The following ACTR3C variants were observed in gnomAD, a reference collection of about 807,000 sequenced individuals.
ACTR3C encodes the protein actin-related protein 3C.
ACTR3C carries 18 observed loss-of-function variants against 26.3 expected under a neutral mutation model. The ratio of observed to expected loss-of-function variants is 0.68; its 90% CI spans 0.47 to 1.01. The LOEUF is 1.01. Among genes scored for constraint, ACTR3C ranks in the 50% least tolerant of loss-of-function variants. The probability of loss-of-function intolerance (pLI) is 0.00; values close to 1 mark genes in which losing one functional copy is unlikely to be tolerated. For synonymous variants in ACTR3C, 55 were observed against 94.5 expected, an observed-to-expected ratio of 0.58 and a Z score of 2.42; for missense variants, 184 against 250.7, an observed-to-expected ratio of 0.73 and a Z score of 1.80.
the ACTR3C span, among the ~76,000 whole-genome samples, chr7:150,163,376 A>ATG: frequency 2.3e-5 from 3 of 130,096 alleles, no homozygotes; most frequent in Non-Finnish European, 4.7e-5. Context: ...ATATATATAT[A>ATG]TGTGTGTATG....
the ACTR3C span, among the ~76,000 whole-genome samples, chr7:150,021,170 A>T: frequency 4.0e-5 from 6 of 151,696 alleles, no homozygotes; most frequent in Admixed American, 1.3e-4. Flanking sequence ...CTTTACACAT[A>T]GGAAGAAGCT....
the ACTR3C span, among the ~76,000 whole-genome samples, chr7:149,889,554 G>C: frequency 6.6e-6 from 1 of 152,094 alleles, no homozygotes; most frequent in South Asian, 2.1e-4. Context: ...TTAGTAATCA[G>C]GGAAATGTAC....
the ACTR3C span, among the ~76,000 whole-genome samples, chr7:150,227,326 CT>C: frequency 6.6e-6 from 1 of 151,248 alleles, no homozygotes; most frequent in Non-Finnish European, 1.5e-5. Flanking sequence ...CAGTAACTAC[CT>C]TTTTTCATTC....
chr7:150,136,015 C>G, the ACTR3C span, among the ~76,000 whole-genome samples: 2 of 152,116 alleles, frequency 1.3e-5, no homozygotes, highest in East Asian at 3.9e-4. Context: ...GAAGAAATCA[C>G]CACAGGATGT....
chr7:150,172,140 G>T, the ACTR3C span, among the ~76,000 whole-genome samples: 2 of 150,726 alleles, frequency 1.3e-5, no homozygotes, highest in East Asian at 3.8e-4. Flanking sequence ...GGTAATAAGA[G>T]ACTATTAAGA....
At chr7:150,175,835 A>C in the ACTR3C span, among the ~76,000 whole-genome samples, 1 of 139,418 alleles carries the variant, frequency 7.2e-6, no homozygotes, top group Non-Finnish European at 1.5e-5. Flanking sequence ...AAAAAAAAAA[A>C]GAAAGAAAGG....
chr7:149,942,511 G>T, the ACTR3C span, among the ~76,000 whole-genome samples: 12 of 152,024 alleles, frequency 7.9e-5, no homozygotes, highest in Admixed American at 2.0e-4. Context: ...GAGTGGATGG[G>T]TTTCATCAAG....
the ACTR3C span, among the ~76,000 whole-genome samples, chr7:150,238,796 C>G: frequency 6.7e-6 from 1 of 148,852 alleles, no homozygotes; most frequent in Non-Finnish European, 1.5e-5. Context: ...TTTTCTTTGA[C>G]TAATAAAATC....
chr7:150,179,745 C>A, the ACTR3C span, among the ~76,000 whole-genome samples: 1 of 151,748 alleles, frequency 6.6e-6, no homozygotes. Flanking sequence ...CCCTGCTTGG[C>A]CTACCAAAGT....
the ACTR3C span, among the ~76,000 whole-genome samples, chr7:150,163,158 A>C: frequency 6.6e-6 from 1 of 151,638 alleles, no homozygotes; most frequent in Non-Finnish European, 1.5e-5. Context: ...AGTCTCAAAA[A>C]AAAGAAAAAA....
the ACTR3C span, among the ~76,000 whole-genome samples, chr7:150,066,284 C>A: frequency 6.6e-6 from 1 of 152,176 alleles, no homozygotes; most frequent in African/African-American, 2.4e-5. Context: ...TGGGAAGGAT[C>A]CACAGCGATG....
the ACTR3C span, among the ~76,000 whole-genome samples, chr7:150,182,159 A>G: frequency 6.6e-5 from 10 of 150,490 alleles, no homozygotes; most frequent in Non-Finnish European, 1.0e-4. Flanking sequence ...CATCACCAAC[A>G]GATCAAAAAC....
At chr7:150,237,464 T>C in the ACTR3C span, among the ~76,000 whole-genome samples, 1 of 151,924 alleles carries the variant, frequency 6.6e-6, no homozygotes, top group Non-Finnish European at 1.5e-5. Context: ...ATAGGATAAC[T>C]TTGAGGCACA....
At chr7:149,944,685 C>T in the ACTR3C span, among the ~76,000 whole-genome samples, 2 of 151,912 alleles carry the variant, frequency 1.3e-5, no homozygotes, top group African/African-American at 4.8e-5. Flanking sequence ...CCTCCTTCAC[C>T]TGCTCTCTTC....
At chr7:150,294,659 C>G (rs1399628691) in intron 2 of ACTR3C, among the ~76,000 whole-genome samples, 3 of 152,128 alleles carry the variant, frequency 2.0e-5, no homozygotes, top group African/African-American at 7.2e-5. Flanking sequence ...GGAACTTTTC[C>G]TCCTCCTCCT....
At chr7:150,105,367 C>G in the ACTR3C span, among the ~76,000 whole-genome samples, 1 of 151,958 alleles carries the variant, frequency 6.6e-6, no homozygotes, top group Middle Eastern at 3.2e-3. Context: ...CAGGCATAAG[C>G]CACCGCCCCC....
At chr7:150,221,454 G>A in the ACTR3C span, among the ~76,000 whole-genome samples, 1 of 152,168 alleles carries the variant, frequency 6.6e-6, no homozygotes, top group African/African-American at 2.4e-5. Context: ...AGGATCACAA[G>A]TCTGAACAGG....
At chr7:150,184,225 G>A in the ACTR3C span, among the ~76,000 whole-genome samples, 2 of 150,646 alleles carry the variant, frequency 1.3e-5, no homozygotes, top group South Asian at 4.1e-4. Flanking sequence ...CTTGTTCAGT[G>A]AAGTTTAATT....
At chr7:149,927,022 T>C in the ACTR3C span, among the ~76,000 whole-genome samples, 1 of 152,018 alleles carries the variant, frequency 6.6e-6, no homozygotes, top group African/African-American at 2.4e-5. Context: ...GCTGGCACCA[T>C]GCTCTAAGAC....
Sources: gnomAD v4.1 joint callset for allele counts (sites outside exome capture counted in the v4.1 genomes callset) on GRCh38, gnomAD v4.1.1 for gene constraint, MANE v1.5 for transcripts, NCBI Gene and HGNC (gene_info 2026-07-23, HGNC 2026-07-21) for gene names.